MYO9A: variants seen among roughly 807,000 people sequenced by gnomAD.
MYO9A encodes the protein unconventional myosin-IXa.
Under a neutral mutation model 293.3 loss-of-function variants are expected in MYO9A, and 103 were observed. The ratio of observed to expected loss-of-function variants is 0.35; its 90% confidence interval spans 0.30 to 0.41. The LOEUF is 0.41. MYO9A is among the 10% of genes least tolerant of loss of function. The pLI is 1.00. For missense variants in MYO9A, 2,685 were observed against 3,033.0 expected, an observed-to-expected ratio of 0.89 and a Z score of 2.69; for synonymous variants, 1,001 against 1,035.7, an observed-to-expected ratio of 0.97 and a Z score of 0.64.
chr15:71,983,774 C>T (rs549498433), intron 11 of MYO9A, among the ~76,000 whole-genome samples: 5 of 152,246 alleles, frequency 3.3e-5, no homozygotes, highest in East Asian at 1.9e-4. Flanking sequence ...TGAGCCACCA[C>T]GCCCAGCCTA....
chr15:71,853,148 G>A (rs1274957999), intron 35 of MYO9A, among the ~76,000 whole-genome samples: 1 of 152,028 alleles, frequency 6.6e-6, no homozygotes, highest in Non-Finnish European at 1.5e-5. Flanking sequence ...CTGTTATACT[G>A]CTATAAACGT....
At chr15:72,072,575 TA>T (rs2079228242) in intron 1 of MYO9A, among the ~76,000 whole-genome samples, 1 of 152,116 alleles carries the variant, frequency 6.6e-6, no homozygotes, top group Non-Finnish European at 1.5e-5. Flanking sequence ...CACACTACCA[TA>T]AAAAATAATG....
chr15:72,041,396 C>G, intron 2 of MYO9A: 1 of 434,396 alleles, frequency 2.3e-6, no homozygotes, highest in South Asian at 1.9e-5. Context: ...AATCATGTCT[C>G]TGAATATTTG....
At chr15:71,852,358 G>C in intron 35 of MYO9A, 98 bp from the exon 36 acceptor site, 1 of 706,292 alleles carries the variant, frequency 1.4e-6, no homozygotes. Context: ...AAGGCTTCAT[G>C]TTTCTTTTTT....
At position 71,826,736 on chromosome 15, in the gene MYO9A, C is replaced by T. The variant is rs759095216; in HGVS notation, c.7491G>A (p.Lys2497=). The change falls in exon 42 of 42, where the codon AAG becomes AAA. Residue 2497 remains lysine (K), a synonymous_variant. Coordinates refer to ENST00000356056, the MANE Select transcript of MYO9A (RefSeq NM_006901.4). ...TCACATTCTTTAATTTTTGTTTGCC[C>T]TTTTCCGGGTTGAAGGTTCCTCTGC... ...FISRGTFNPE[K]GKQKLKNVKN... The T allele has an allele frequency of 1.2e-6, 2 of 1,614,096 alleles. No homozygotes were observed. Among genetic ancestry groups the T allele is most frequent in the Non-Finnish European group, 1.7e-6 (2 of 1,179,990 alleles).
At chr15:71,924,646 C>G (rs1386908102) in intron 18 of MYO9A, among the ~76,000 whole-genome samples, 1 of 151,756 alleles carries the variant, frequency 6.6e-6, no homozygotes, top group Non-Finnish European at 1.5e-5. Flanking sequence ...GTGGGCCAGG[C>G]GTGGTGGCTC....
At chr15:71,884,959 C>CTTT (rs544597176) in intron 27 of MYO9A, among the ~76,000 whole-genome samples, 4 of 136,640 alleles carry the variant, frequency 2.9e-5, no homozygotes, top group African/African-American at 5.3e-5. Flanking sequence ...TTCTTTCTTC[C>CTTT]TTTTTTTTTT....
chr15:71,994,607 A>G (rs112028134), intron 9 of MYO9A, 22 bp from the exon 10 acceptor site: 1 of 1,426,500 alleles, frequency 7.0e-7, no homozygotes. Flanking sequence ...AAGCATTACA[A>G]GTGCATGTAG....
intron 18 of MYO9A, among the ~76,000 whole-genome samples, chr15:71,918,958 A>G (rs1392156785): frequency 3.3e-5 from 5 of 152,068 alleles, no homozygotes; most frequent in Admixed American, 3.3e-4. Flanking sequence ...CCCTCACAAG[A>G]CTTGGTTTTA....
At chr15:72,065,493 C>T (rs572169606) in intron 1 of MYO9A, among the ~76,000 whole-genome samples, 198 of 127,650 alleles carry the variant, frequency 1.6e-3, no homozygotes, top group African/African-American at 5.6e-3. Flanking sequence ...CCACCCTGGG[C>T]AACAAGAGCA....
chr15:71,911,514 C>T (rs146657485), intron 19 of MYO9A, among the ~76,000 whole-genome samples: 1,596 of 152,260 alleles, frequency 0.01, 11 homozygotes, highest in Non-Finnish European at 0.016. Context: ...TTCCTAGCAA[C>T]CTGTGGATCC....
intron 19 of MYO9A, among the ~76,000 whole-genome samples, chr15:71,913,011 T>G (rs2057906488): frequency 6.8e-6 from 1 of 146,298 alleles, no homozygotes; most frequent in Non-Finnish European, 1.5e-5. Context: ...ATCTCCGTAG[T>G]TTTTTTTTTT....
At chr15:71,964,575 A>G (rs1197337579) in intron 13 of MYO9A, among the ~76,000 whole-genome samples, 2 of 148,886 alleles carry the variant, frequency 1.3e-5, no homozygotes, top group Non-Finnish European at 3.0e-5. Flanking sequence ...AGGTGAAGAA[A>G]TTGAGACCAT....
intron 18 of MYO9A, among the ~76,000 whole-genome samples, chr15:71,917,816 G>A (rs2058052630): frequency 6.6e-6 from 1 of 152,026 alleles, no homozygotes. Context: ...ACAAAAGATT[G>A]TGTTAAAAAC....
At chr15:71,903,867 G>C in intron 21 of MYO9A, 62 bp downstream of exon 21, 1 of 1,357,994 alleles carries the variant, frequency 7.4e-7, no homozygotes. Flanking sequence ...TAATAAGCAA[G>C]ATATGTGGGA....
intron 34 of MYO9A, among the ~76,000 whole-genome samples, chr15:71,858,127 G>A (rs1005611955): frequency 6.6e-6 from 1 of 152,294 alleles, no homozygotes. Context: ...GAGAGGATGT[G>A]GAGAAATAGG....
chr15:71,859,492 A>T (rs545094464), intron 34 of MYO9A, among the ~76,000 whole-genome samples: 1 of 152,370 alleles, frequency 6.6e-6, no homozygotes, highest in Admixed American at 6.5e-5. Context: ...TTACGAAATT[A>T]ATTTAGTAAC....
intron 24 of MYO9A, among the ~76,000 whole-genome samples, chr15:71,899,376 AT>A (rs2057419502): frequency 6.6e-6 from 1 of 152,242 alleles, no homozygotes; most frequent in Non-Finnish European, 1.5e-5. Context: ...TAAGTGTGAA[AT>A]TAAAGTTTCT....
chr15:71,933,210 C>T (rs1307097322), intron 18 of MYO9A, among the ~76,000 whole-genome samples: 1 of 152,124 alleles, frequency 6.6e-6, no homozygotes, highest in Non-Finnish European at 1.5e-5. Flanking sequence ...TCTGCTACAA[C>T]AGCAGAGCCA....
Sources: allele counts gnomAD v4.1 joint callset (sites outside exome capture counted in the v4.1 genomes callset), GRCh38; gene constraint gnomAD v4.1.1; transcripts MANE v1.5; gene names NCBI Gene and HGNC (gene_info 2026-07-23, HGNC 2026-07-21).